The following FST variants were observed in gnomAD, a reference collection of about 807,000 sequenced individuals.
FST encodes follistatin.
FST carries 6 observed loss-of-function variants against 38.4 expected under a neutral mutation model. That is an observed-to-expected ratio of 0.16 (90% CI 0.09 to 0.31). FST has a LOEUF of 0.31. Ranked by LOEUF, FST falls within the 10% of genes least tolerant of loss-of-function variation. The pLI, the probability that FST is intolerant of heterozygous loss-of-function variation, is 1.00. For missense variants in FST, 301 were observed against 432.3 expected (o/e 0.70, Z 2.69); for synonymous variants, 157 against 169.8 (o/e 0.92, Z 0.59).
In FST at chr5:53,483,086, T is replaced by C; in HGVS notation, c.277+15T>C. 1 of 1,590,870 alleles carries C rather than the reference T, an allele frequency of 6.3e-7. No homozygotes were observed. The highest frequency in any genetic ancestry group is 8.6e-7 in the Non-Finnish European group (1 of 1,161,564). On this transcript the variant is annotated intron_variant, in intron 2 of 5. Transcript: ENST00000256759. This position sits in a 1 kb window ranked among gnomAD's most constrained non-coding sequence, Gnocchi z 4.1. The stretch of plus-strand genomic sequence containing the variant: ...CCCCTGTAAAGGTAGGACTCCTTCT[T>C]CCCAACTTGCAGGCCCTCAGTAGAG...
chr5:53,481,892 T>C (rs1193525115), intron 1 of FST, among the ~76,000 whole-genome samples: 2 of 152,134 alleles, frequency 1.3e-5, no homozygotes, highest in Non-Finnish European at 2.9e-5. Flanking sequence ...CCTTAAGGCA[T>C]TACTTTCCCT....
At chr5:53,482,135 G>A (rs1747256025) in intron 1 of FST, among the ~76,000 whole-genome samples, 1 of 152,206 alleles carries the variant, frequency 6.6e-6, no homozygotes, top group South Asian at 2.1e-4. Context: ...GCTGCGCCTG[G>A]AGGCCGCGCG....
intron 1 of FST, chr5:53,482,561 T>A (rs939682961): frequency 5.1e-6 from 2 of 394,366 alleles, no homozygotes; most frequent in African/African-American, 2.1e-5. Flanking sequence ...CAATGCAAGC[T>A]GCACGTGTTG....
At chr5:53,481,305 T>G (rs1024831405) in intron 1 of FST, among the ~76,000 whole-genome samples, 8 of 150,190 alleles carry the variant, frequency 5.3e-5, no homozygotes, top group African/African-American at 2.0e-4. Flanking sequence ...AAAGAAAACC[T>G]GGGGGTTTGG....
In FST at chr5:53,480,870, GC is replaced by G; in HGVS notation, c.82del (p.Gln28ArgfsTer23). The G allele has an allele frequency of 6.6e-7, 1 of 1,523,748 alleles. No homozygotes were observed. Among genetic ancestry groups the G allele is most frequent in the Admixed American group, 2.0e-5 (1 of 49,338 alleles). 94.4% of individuals were successfully genotyped at this position (1,523,748 alleles called of 1,614,324 possible). ...CTGCCAGTTCATGGAGGACCGCAGT[GC>G]CCAGGGTAAGCGAGTGGGGATGCGC... is the stretch of plus-strand genomic sequence containing the variant. ...LLCQFMEDRS[A>X]QAGNCWLRQA... On this transcript the variant is annotated frameshift_variant, in exon 1 of 6. Coordinates refer to ENST00000256759, the MANE Select transcript of FST (RefSeq NM_013409.3). LOFTEE classifies it high-confidence loss of function.
chr5:53,485,761 A>T (rs78463524), intron 5 of FST, 190 bp from the exon 6 acceptor site: 3 of 1,232,824 alleles, frequency 2.4e-6, no homozygotes, highest in Non-Finnish European at 3.4e-6. Flanking sequence ...ATTATGCTTT[A>T]AAAAAATTTT....
chr5:53,483,099 G>T lies in FST; in HGVS notation c.277+28G>T, dbSNP rs369213436. The T allele has an allele frequency of 3.6e-5, 54 of 1,519,798 alleles. No individual in the cohort carries two copies. Among genetic ancestry groups the T allele is most frequent in the Non-Finnish European group, 4.4e-5 (48 of 1,100,222 alleles). 94.1% of individuals were successfully genotyped at this position (1,519,798 alleles called of 1,614,324 possible). On this transcript the variant is annotated intron_variant, in intron 2 of 5. Transcript: ENST00000256759. The surrounding 1 kb of genome is among the most constrained non-coding windows in gnomAD (Gnocchi z 4.1). ...AGGACTCCTTCTTCCCAACTTGCAG[G>T]CCCTCAGTAGAGGGCGTCTTACCCT...
At chr5:53,484,630 T>G (rs1222651617) in intron 4 of FST, among the ~76,000 whole-genome samples, 1 of 152,242 alleles carries the variant, frequency 6.6e-6, no homozygotes, top group Non-Finnish European at 1.5e-5. Flanking sequence ...TGTTGTCAGA[T>G]TCTAGTAATT....
At chr5:53,481,468 A>AAAAAAAAAAAAAAC (rs1747205058) in intron 1 of FST, among the ~76,000 whole-genome samples, 1 of 147,004 alleles carries the variant, frequency 6.8e-6, no homozygotes, top group Non-Finnish European at 1.5e-5. Flanking sequence ...CTCGCAAAAA[A>AAAAAAAAAAAAAAC]AAAAAAAAAA....
At chr5:53,485,805 C>G (rs1317624517) in intron 5 of FST, 146 bp from the exon 6 acceptor site, 1 of 1,589,382 alleles carries the variant, frequency 6.3e-7, no homozygotes, top group Non-Finnish European at 8.5e-7. Context: ...ATGCCAAAAA[C>G]AAAAAAAGCA....
Position 53,483,134 on chromosome 5 carries a change from C to T in FST, c.277+63C>T. ...GAGGGCGTCTTACCCTTAGCTTCCC[C>T]ACTACCTGACTGGGGTTTGGGAGTA... is the stretch of plus-strand genomic sequence containing the variant. On this transcript the variant is annotated intron_variant, in intron 2 of 5. Coordinates refer to ENST00000256759, the MANE Select transcript of FST (RefSeq NM_013409.3). This position sits in a 1 kb window ranked among gnomAD's most constrained non-coding sequence, Gnocchi z 4.1. 1 of 1,103,760 alleles carries T rather than the reference C, an allele frequency of 9.1e-7. No homozygotes were observed. The highest frequency in any genetic ancestry group is 1.4e-6 in the Non-Finnish European group (1 of 735,882). 68.4% of individuals were successfully genotyped at this position (1,103,760 alleles called of 1,614,324 possible). A position where few individuals can be genotyped will look rare whatever the true frequency, so the allele number is the denominator to read the frequency against.
Position 53,483,517 on chromosome 5 carries a change from C to T in FST, c.291C>T (p.Asn97=), listed in dbSNP as rs766364829. Residue 97 remains asparagine, a synonymous_variant, in exon 3 of 6, where the codon AAC becomes AAT. Transcript: ENST00000256759. The surrounding 1 kb of genome is among the most constrained non-coding windows in gnomAD (Gnocchi z 4.1). ...TCTAACTCACAGAAACGTGTGAGAA[C>T]GTGGACTGTGGACCTGGGAAAAAAT... is the stretch of plus-strand genomic sequence containing the variant. The part of the protein sequence containing the change: ...NCIPCKETCE[N]VDCGPGKKCR... The T allele has an allele frequency of 3.1e-6, 5 of 1,613,142 alleles. No homozygotes were observed. The highest frequency in any genetic ancestry group is 4.2e-6 in the Non-Finnish European group (5 of 1,179,222).
In FST at chr5:53,483,646, C is replaced by T; in HGVS notation, c.420C>T (p.Arg140=). Residue 140 remains arginine, a synonymous_variant, in exon 3 of 6, where the codon CGC becomes CGT. Coordinates refer to ENST00000256759, the MANE Select transcript of FST (RefSeq NM_013409.3). This position sits in a 1 kb window ranked among gnomAD's most constrained non-coding sequence, Gnocchi z 4.1. ...PVCGLDGKTY[R]NECALLKARC... Reference sequence around the variant, plus strand: ...GCGGGCTGGATGGGAAAACCTACCGCAATGAATGTGCACTCCTAAAGGCAA... The same window carrying T: ...GCGGGCTGGATGGGAAAACCTACCGTAATGAATGTGCACTCCTAAAGGCAA... The T allele has an allele frequency of 1.9e-6, 3 of 1,614,150 alleles. No homozygotes were observed. The highest frequency in any genetic ancestry group is 2.5e-6 in the Non-Finnish European group (3 of 1,179,990).
chr5:53,485,291 C>G, intron 5 of FST, 64 bp downstream of exon 5: 1 of 859,718 alleles, frequency 1.2e-6, no homozygotes, highest in Non-Finnish European at 2.0e-6. Flanking sequence ...AGGGAATGGA[C>G]ACTTACAAAG....
intron 1 of FST, among the ~76,000 whole-genome samples, chr5:53,482,290 T>TTTTCTTTCTTTCTCTTCTTTCTTTTC (rs1747275823): frequency 6.6e-6 from 1 of 151,822 alleles, no homozygotes; most frequent in Non-Finnish European, 1.5e-5. Context: ...TTTCTCTTTC[T>TTTTCTTTCTTTCTCTTCTTTCTTTTC]TTTCTTTCTT....
rs1747347576 is a variant in FST at position 53,483,197 on chromosome 5, T to A, written c.277+126T>A. The A allele has an allele frequency of 2.9e-6, 2 of 692,066 alleles. No individual in the cohort carries two copies. Among genetic ancestry groups the A allele is most frequent in the Non-Finnish European group, 5.1e-6 (2 of 394,882 alleles). The allele number at this position is 692,066 out of a possible 1,614,324, so 42.9% of individuals were successfully genotyped here. On this transcript the variant is annotated intron_variant, in intron 2 of 5. Transcript: ENST00000256759. This position sits in a 1 kb window ranked among gnomAD's most constrained non-coding sequence, Gnocchi z 4.1. ...TCCTGGGCTTCCCCTTCCTGTCCCT[T>A]GCCCTGGTAAGCCGTGCAGACTCTA...
intron 1 of FST, among the ~76,000 whole-genome samples, chr5:53,481,915 A>G (rs1426433197): frequency 4.6e-5 from 7 of 152,166 alleles, no homozygotes; most frequent in Non-Finnish European, 1.0e-4. Context: ...TTCAGCGTTA[A>G]CATTTTAAGT....
At chr5:53,482,283 CTCTT>C (rs891327909) in intron 1 of FST, among the ~76,000 whole-genome samples, 3 of 149,422 alleles carry the variant, frequency 2.0e-5, no homozygotes, top group East Asian at 3.9e-4. Flanking sequence ...TTCTTTCTTT[CTCTT>C]TCTTTTCTTT....
rs985448484 is a variant in FST at position 53,482,863 on chromosome 5, C to T, written c.86-17C>T. 1.4e-5 allele frequency: 22 copies of T among 1,558,226 alleles called. No individual in the cohort carries two copies. In the East Asian group the frequency reaches 4.6e-4, roughly 33 times the overall value. ...CACTGCTCACTCACCCACCTCCCCACCCTTGTCTCTTCACAGCTGGGAACT... is the reference window on the plus strand; with the variant it reads ...CACTGCTCACTCACCCACCTCCCCATCCTTGTCTCTTCACAGCTGGGAACT... On this transcript the variant is annotated splice_polypyrimidine_tract_variant and intron_variant, in intron 1 of 5. Coordinates refer to ENST00000256759, the MANE Select transcript of FST (RefSeq NM_013409.3).
Sources: gnomAD v4.1 joint callset for allele counts (sites outside exome capture counted in the v4.1 genomes callset) on GRCh38, gnomAD v4.1.1 for gene constraint, Gnocchi (gnomAD v3.1) non-coding constraint, MANE v1.5 for transcripts, NCBI Gene and HGNC (gene_info 2026-07-23, HGNC 2026-07-21) for gene names.